PARVA: variants seen among roughly 807,000 people sequenced by gnomAD.
PARVA encodes the protein alpha-parvin.
Under a neutral mutation model 52.6 loss-of-function variants are expected in PARVA, and 25 were observed. The ratio of observed to expected loss-of-function variants is 0.48; its 90% CI spans 0.35 to 0.66. The LOEUF (loss-of-function observed/expected upper bound fraction) is 0.66. Among genes scored for constraint, PARVA ranks in the 30% least tolerant of loss-of-function variants. The pLI is 0.01. For synonymous variants in PARVA, 185 were observed against 179.1 expected, an observed-to-expected ratio of 1.03 and a Z score of -0.26; for missense variants, 373 against 450.9, an observed-to-expected ratio of 0.83 and a Z score of 1.56.
rs542223386 is a variant in PARVA at position 12,440,333 on chromosome 11, G to A, written c.137-33412G>A. Among the ~76,000 whole-genome samples the A allele has an allele frequency of 1.1e-4, 17 of 152,048 alleles. 1 individual carries two copies. The South Asian group carries it at 2.9e-3, about 26-fold the overall frequency. On this transcript the variant is annotated intron_variant, in intron 1 of 12. Transcript: ENST00000334956. ...TGTAGGAAGCCGGTCAAGATCAAAAGAGAAGCTAAGGGGGAGAGTCCAGGT... is the reference window on the plus strand; with the variant it reads ...TGTAGGAAGCCGGTCAAGATCAAAAAAGAAGCTAAGGGGGAGAGTCCAGGT...
chr11:12,441,345 CTTT>C (rs59863347), intron 1 of PARVA, among the ~76,000 whole-genome samples: 1 of 148,370 alleles, frequency 6.7e-6, no homozygotes. Context: ...TGGTAGAAAA[CTTT>C]TTTTTTTTTA....
intron 7 of PARVA, among the ~76,000 whole-genome samples, chr11:12,509,802 C>T (rs976452561): frequency 2.6e-5 from 4 of 152,124 alleles, no homozygotes; most frequent in African/African-American, 7.2e-5. Flanking sequence ...ACACCTTGGC[C>T]TTGGTTCTGT....
At chr11:12,522,480 G>C (rs10765957) in intron 12 of PARVA, among the ~76,000 whole-genome samples, 1 of 148,882 alleles carries the variant, frequency 6.7e-6, no homozygotes, top group Non-Finnish European at 1.5e-5. Flanking sequence ...GTGCAATGGC[G>C]TGGTCTCGGC....
At chr11:12,406,506 A>AT (rs56101389) in intron 1 of PARVA, among the ~76,000 whole-genome samples, 43 of 150,754 alleles carry the variant, frequency 2.9e-4, no homozygotes, top group South Asian at 2.1e-3. Flanking sequence ...TTGTATTTTG[A>AT]TTTTTTTTTT....
At chr11:12,440,092 T>C (rs1390159730) in intron 1 of PARVA, among the ~76,000 whole-genome samples, 3 of 152,248 alleles carry the variant, frequency 2.0e-5, no homozygotes, top group Non-Finnish European at 2.9e-5. Context: ...ATCTTGTTTA[T>C]TGCTGTATCC....
At chr11:12,389,585 T>A (rs903622808) in intron 1 of PARVA, among the ~76,000 whole-genome samples, 9 of 152,086 alleles carry the variant, frequency 5.9e-5, no homozygotes, top group Non-Finnish European at 1.3e-4. Flanking sequence ...TTAGGAGACA[T>A]GGTGATTTCA....
At chr11:12,513,428 C>G (rs1352013873) in intron 9 of PARVA, 68 bp downstream of exon 9, 1 of 1,415,642 alleles carries the variant, frequency 7.1e-7, no homozygotes, top group Non-Finnish European at 1.0e-6. Context: ...AAAACCCATC[C>G]CTGCAGCTTG....
At chr11:12,387,303 C>T (rs1219354189) in intron 1 of PARVA, among the ~76,000 whole-genome samples, 1 of 152,166 alleles carries the variant, frequency 6.6e-6, no homozygotes, top group East Asian at 1.9e-4. Context: ...CTGCACAGGC[C>T]CTAGGCAGCA....
intron 1 of PARVA, among the ~76,000 whole-genome samples, chr11:12,451,983 A>T (rs1940629362): frequency 1.3e-5 from 2 of 151,822 alleles, no homozygotes; most frequent in Admixed American, 6.6e-5. Context: ...CTTTTAGGGG[A>T]TCTGTGGAGA....
chr11:12,387,709 T>C (rs1939592905), intron 1 of PARVA, among the ~76,000 whole-genome samples: 1 of 143,950 alleles, frequency 6.9e-6, no homozygotes, highest in Non-Finnish European at 1.5e-5. Flanking sequence ...GGGCACTGAT[T>C]TCCCAGTGGC....
intron 6 of PARVA, among the ~76,000 whole-genome samples, chr11:12,505,927 C>T (rs928185026): frequency 2.6e-5 from 4 of 152,202 alleles, no homozygotes; most frequent in Non-Finnish European, 4.4e-5. Context: ...TGTCACTATA[C>T]ATTTGTCAAA....
At position 12,473,831 on chromosome 11, in the gene PARVA, C is replaced by T; in HGVS notation, c.223C>T (p.Leu75=). 1 of 1,568,456 alleles carries T rather than the reference C, an allele frequency of 6.4e-7. No homozygotes were observed. The highest frequency in any genetic ancestry group is 8.7e-7 in the Non-Finnish European group (1 of 1,155,674). The change falls in exon 2 of 13, where the codon CTG becomes TTG. Residue 75 remains leucine, a synonymous_variant. Coordinates refer to ENST00000334956, the MANE Select transcript of PARVA (RefSeq NM_018222.5). ...PFELDPEDTM[L]EENEVRTMVD... is the part of the protein sequence containing the mutation. ...TGAGCTGGACCCCGAGGACACGATG[C>T]TGGGTAACTGTGCTCTTGTCTCTGA...
intron 5 of PARVA, among the ~76,000 whole-genome samples, chr11:12,503,069 T>C (rs1207690477): frequency 6.6e-6 from 1 of 152,168 alleles, no homozygotes. Flanking sequence ...TGACCCTGCC[T>C]TCTCTGGTGT....
chr11:12,511,950 G>T (rs887127624), intron 8 of PARVA, among the ~76,000 whole-genome samples: 5 of 152,162 alleles, frequency 3.3e-5, no homozygotes, highest in African/African-American at 1.2e-4. Context: ...GGTGATAGGT[G>T]TGCAGATGGA....
intron 4 of PARVA, among the ~76,000 whole-genome samples, chr11:12,483,530 GC>G (rs1941116615): frequency 6.6e-6 from 1 of 152,136 alleles, no homozygotes. Context: ...TTATCCTATG[GC>G]TCCTTTCCCC....
At chr11:12,470,736 CAT>C (rs1654924112) in intron 1 of PARVA, among the ~76,000 whole-genome samples, 1 of 152,136 alleles carries the variant, frequency 6.6e-6, no homozygotes, top group Non-Finnish European at 1.5e-5. Context: ...ATCAGAGTCT[CAT>C]AGAATAAAAC....
At chr11:12,376,833 G>A, upstream of PARVA, 1 of 546,340 alleles carries the variant, frequency 1.8e-6, no homozygotes. Context: ...GAGTCTGGTT[G>A]TCACTCTCTT....
At chr11:12,490,295 G>A (rs796263411) in intron 4 of PARVA, among the ~76,000 whole-genome samples, 16 of 151,024 alleles carry the variant, frequency 1.1e-4, no homozygotes, top group African/African-American at 2.4e-4. Context: ...AGGCTGAGGC[G>A]AATGGATCAC....
At chr11:12,524,764 A>G (rs574911685) in intron 12 of PARVA, among the ~76,000 whole-genome samples, 1 of 152,292 alleles carries the variant, frequency 6.6e-6, no homozygotes, top group East Asian at 1.9e-4. Context: ...CCATTCATTC[A>G]TGGATCTGTT....
Sources: gnomAD v4.1 joint callset for allele counts (sites outside exome capture counted in the v4.1 genomes callset) on GRCh38, gnomAD v4.1.1 for gene constraint, MANE v1.5 for transcripts, NCBI Gene and HGNC (gene_info 2026-07-23, HGNC 2026-07-21) for gene names.